The following ZNF385D variants were observed in gnomAD, a reference collection of about 807,000 sequenced individuals.
ZNF385D encodes the protein zinc finger protein 659.
In ZNF385D, 15 loss-of-function variants were observed where a neutral mutation model predicts 35.8. That is an observed-to-expected ratio of 0.42 (90% CI 0.28 to 0.64). ZNF385D has a LOEUF of 0.64. Among genes scored for constraint, ZNF385D ranks in the 30% least tolerant of loss-of-function variants. The pLI, the probability that ZNF385D is intolerant of heterozygous loss-of-function variation, is 0.23. For synonymous variants in ZNF385D, 212 were observed against 186.8 expected (o/e 1.13, Z -1.10); for missense variants, 474 against 494.6 (o/e 0.96, Z 0.39).
At chr3:21,540,556 T>C (rs917446638) in intron 3 of ZNF385D, among the ~76,000 whole-genome samples, 40 of 152,082 alleles carry the variant, frequency 2.6e-4, no homozygotes, top group African/African-American at 9.7e-4. Context: ...GCTTGGGAAA[T>C]GGATAAAACC....
intron 3 of ZNF385D, among the ~76,000 whole-genome samples, chr3:21,901,629 G>A (rs2125898890): frequency 6.6e-6 from 1 of 152,258 alleles, no homozygotes; most frequent in Admixed American, 6.6e-5. Flanking sequence ...CCACAGATGA[G>A]ATTAAAGTTT....
At chr3:21,882,277 C>G (rs973009662) in intron 3 of ZNF385D, among the ~76,000 whole-genome samples, 1 of 151,968 alleles carries the variant, frequency 6.6e-6, no homozygotes, top group South Asian at 2.1e-4. Context: ...ACAGCCATCT[C>G]AAACTTCAGC....
intron 2 of ZNF385D, among the ~76,000 whole-genome samples, chr3:22,269,052 T>A (rs1050815769): frequency 4.6e-5 from 7 of 151,946 alleles, no homozygotes; most frequent in African/African-American, 1.7e-4. Context: ...AGGCCCCACA[T>A]ATTTTCCAGC....
At chr3:22,173,503 T>C (rs7626988) in intron 2 of ZNF385D, among the ~76,000 whole-genome samples, 21,506 of 152,070 alleles carry the variant, frequency 0.14, 1,629 homozygotes, top group East Asian at 0.25. Flanking sequence ...ATTTGGAAAA[T>C]AGAGCAGAGA....
chr3:21,462,343 C>T (rs1007357342), intron 4 of ZNF385D, among the ~76,000 whole-genome samples: 2 of 152,028 alleles, frequency 1.3e-5, no homozygotes, highest in Non-Finnish European at 2.9e-5. Flanking sequence ...AGCAGACATT[C>T]ATCATAGAAC....
At chr3:21,611,475 C>A (rs908244820) in intron 2 of ZNF385D, among the ~76,000 whole-genome samples, 1 of 152,168 alleles carries the variant, frequency 6.6e-6, no homozygotes, top group Non-Finnish European at 1.5e-5. Context: ...ACTTTAGTAA[C>A]CACATGAGCT....
At chr3:22,345,431 C>A (rs1695614708) in intron 2 of ZNF385D, among the ~76,000 whole-genome samples, 1 of 152,210 alleles carries the variant, frequency 6.6e-6, no homozygotes, top group Admixed American at 6.5e-5. Context: ...AACACAAAAA[C>A]TTCACATTCC....
intron 2 of ZNF385D, among the ~76,000 whole-genome samples, chr3:22,293,287 C>T (rs1039097843): frequency 5.9e-5 from 9 of 152,086 alleles, no homozygotes; most frequent in African/African-American, 2.2e-4. Flanking sequence ...CCTTTGCTAC[C>T]TTTTATTAAA....
intron 1 of ZNF385D, among the ~76,000 whole-genome samples, chr3:21,712,939 C>G (rs764432875): frequency 6.6e-6 from 1 of 152,202 alleles, no homozygotes; most frequent in African/African-American, 2.4e-5. Flanking sequence ...ATCACACACA[C>G]AAATACACAT....
At chr3:21,556,377 T>C (rs1209696087) in intron 3 of ZNF385D, among the ~76,000 whole-genome samples, 1 of 152,196 alleles carries the variant, frequency 6.6e-6, no homozygotes, top group Admixed American at 6.5e-5. Context: ...AAGTCTTTAA[T>C]CCATTGTGAG....
chr3:21,847,473 T>C (rs1341724151), intron 3 of ZNF385D, among the ~76,000 whole-genome samples: 1 of 152,116 alleles, frequency 6.6e-6, no homozygotes, highest in Non-Finnish European at 1.5e-5. Flanking sequence ...CAAAATATTC[T>C]AATGATCCAA....
chr3:22,124,843 A>C (rs1703334914), intron 3 of ZNF385D, among the ~76,000 whole-genome samples: 1 of 152,126 alleles, frequency 6.6e-6, no homozygotes. Flanking sequence ...TAGTTTGCAA[A>C]TAATTGTTTC....
chr3:21,629,574 A>T (rs1478557146), intron 2 of ZNF385D, among the ~76,000 whole-genome samples: 1 of 152,152 alleles, frequency 6.6e-6, no homozygotes, highest in African/African-American at 2.4e-5. Flanking sequence ...TTGTCTGCCC[A>T]TGTAGAGTTT....
At chr3:22,037,810 T>C (rs1162448262) in intron 3 of ZNF385D, among the ~76,000 whole-genome samples, 5 of 152,298 alleles carry the variant, frequency 3.3e-5, no homozygotes, top group African/African-American at 9.6e-5. Flanking sequence ...TGGTATTGCC[T>C]AGGTTTTCTT....
chr3:21,504,263 A>AAAC (rs1012482871), intron 4 of ZNF385D, among the ~76,000 whole-genome samples: 16 of 152,054 alleles, frequency 1.1e-4, no homozygotes, highest in African/African-American at 3.9e-4. Flanking sequence ...CAAAAACCAA[A>AAAC]AACAACAACA....
intron 2 of ZNF385D, among the ~76,000 whole-genome samples, chr3:22,313,923 T>G (rs1302633125): frequency 6.6e-6 from 1 of 152,126 alleles, no homozygotes; most frequent in Non-Finnish European, 1.5e-5. Context: ...CTTCTTCATT[T>G]TGGCTCTCTT....
rs1417347074 is a variant in ZNF385D at position 22,186,777 on chromosome 3, AGAGTAACTG to A, written c.107-17751_107-17743del. On this transcript the variant is annotated intron_variant, in intron 2 of 5. Transcript: ENST00000494108. ...TATGTCTTGTTCAAAAGAAGTATTT[AGAGTAACTG>A]GCACCAATACCGTATTTGAGATTGC... Among the ~76,000 whole-genome samples the A allele has an allele frequency of 3.3e-5, 5 of 152,310 alleles. No individual in the cohort carries two copies. The South Asian group carries it at 6.2e-4, about 19-fold the overall frequency.
At chr3:22,048,792 G>C (rs1699167126) in intron 3 of ZNF385D, among the ~76,000 whole-genome samples, 1 of 152,118 alleles carries the variant, frequency 6.6e-6, no homozygotes, top group Admixed American at 6.5e-5. Context: ...AATGTCATTG[G>C]AATTTTGATA....
At chr3:21,812,563 T>C (rs569011848) in intron 3 of ZNF385D, among the ~76,000 whole-genome samples, 16 of 152,300 alleles carry the variant, frequency 1.1e-4, no homozygotes, top group Non-Finnish European at 2.2e-4. Context: ...ATGCCTGGCT[T>C]GGAGGGTCCC....
Sources: gnomAD v4.1 joint callset for allele counts (sites outside exome capture counted in the v4.1 genomes callset) on GRCh38, gnomAD v4.1.1 for gene constraint, MANE v1.5 for transcripts, NCBI Gene and HGNC (gene_info 2026-07-23, HGNC 2026-07-21) for gene names.